ATP8B4: variants seen among roughly 807,000 people sequenced by gnomAD.
ATP8B4 encodes the protein ATPase phospholipid transporting 8B4 (putative), also known as probable phospholipid-transporting ATPase IM.
A neutral mutation model predicts 145.6 loss-of-function variants in ATP8B4; 133 were observed. The observed-to-expected ratio is 0.91, with a 90% CI of 0.79 to 1.05. The LOEUF is 1.05. Ranked by LOEUF, ATP8B4 falls within the 50% of genes least tolerant of loss-of-function variation. The pLI is 0.00. For missense variants in ATP8B4, 1,458 were observed against 1,425.2 expected, an observed-to-expected ratio of 1.02 and a Z score of -0.37; for synonymous variants, 507 against 492.9, an observed-to-expected ratio of 1.03 and a Z score of -0.38.
intron 25 of ATP8B4, among the ~76,000 whole-genome samples, chr15:49,870,918 C>G (rs1282971341): frequency 1.3e-5 from 2 of 152,246 alleles, no homozygotes; most frequent in Admixed American, 6.5e-5. Context: ...CATCTATTAA[C>G]CGTTTGTCTC....
At chr15:49,862,472 G>C in intron 26 of ATP8B4, 97 bp from the exon 27 acceptor site, 2 of 1,235,156 alleles carry the variant, frequency 1.6e-6, no homozygotes, top group South Asian at 2.9e-5. Context: ...TTTTTTTTTT[G>C]AGATGGAGTC....
At chr15:49,926,916 G>A (rs1032696009) in intron 16 of ATP8B4, among the ~76,000 whole-genome samples, 5 of 152,174 alleles carry the variant, frequency 3.3e-5, no homozygotes, top group African/African-American at 1.2e-4. Flanking sequence ...ACATGACAGT[G>A]TGATTTGTAC....
intron 7 of ATP8B4, among the ~76,000 whole-genome samples, chr15:50,008,082 GA>G (rs529044682): frequency 3.5e-4 from 54 of 152,316 alleles, no homozygotes; most frequent in Admixed American, 2.0e-3. Context: ...ACTCCTGTTA[GA>G]CAAACTCATT....
At chr15:49,909,722 CAAAA>C (rs995336781) in intron 20 of ATP8B4, among the ~76,000 whole-genome samples, 1 of 72,016 alleles carries the variant, frequency 1.4e-5, no homozygotes, top group African/African-American at 5.5e-5. Context: ...CTTTGTTTAC[CAAAA>C]AAAAAAAAAA....
intron 12 of ATP8B4, among the ~76,000 whole-genome samples, chr15:49,978,661 C>T (rs2045880590): frequency 6.6e-6 from 1 of 151,798 alleles, no homozygotes; most frequent in Non-Finnish European, 1.5e-5. Flanking sequence ...TGGGGACAGT[C>T]TGGCTCAGCC....
intron 7 of ATP8B4, among the ~76,000 whole-genome samples, chr15:50,005,281 C>G (rs1056385497): frequency 1.3e-5 from 2 of 152,132 alleles, no homozygotes; most frequent in African/African-American, 4.8e-5. Context: ...AAAGAATGCA[C>G]TGAACATATT....
At chr15:49,871,179 C>A (rs1326314951) in intron 25 of ATP8B4, among the ~76,000 whole-genome samples, 1 of 152,190 alleles carries the variant, frequency 6.6e-6, no homozygotes, top group African/African-American at 2.4e-5. Flanking sequence ...AGTCTGTTTT[C>A]TCAATGGTGG....
intron 7 of ATP8B4, among the ~76,000 whole-genome samples, chr15:50,006,889 C>T (rs1028168172): frequency 6.6e-6 from 1 of 152,086 alleles, no homozygotes; most frequent in African/African-American, 2.4e-5. Context: ...CACCTGGCTC[C>T]CACGGTCCGA....
At chr15:50,065,288 A>G (rs1025319875) in intron 3 of ATP8B4, among the ~76,000 whole-genome samples, 1 of 152,208 alleles carries the variant, frequency 6.6e-6, no homozygotes, top group African/African-American at 2.4e-5. Flanking sequence ...GTAATCTGGT[A>G]CTAGTTTCAT....
At chr15:50,179,915 AAAGC>A (rs1196468391) in intron 1 of ATP8B4, among the ~76,000 whole-genome samples, 5 of 152,222 alleles carry the variant, frequency 3.3e-5, no homozygotes, top group African/African-American at 1.2e-4. Context: ...ACCTCGTGAT[AAAGC>A]AAGAGCTGGA....
intron 7 of ATP8B4, among the ~76,000 whole-genome samples, chr15:50,007,396 G>C (rs188815772): frequency 3.9e-4 from 59 of 152,320 alleles, no homozygotes; most frequent in African/African-American, 1.4e-3. Flanking sequence ...GTAGTGGTTA[G>C]AAGTGGAGGC....
intron 6 of ATP8B4, 114 bp downstream of exon 6, chr15:50,038,654 A>G (rs2051023950): frequency 1.3e-6 from 1 of 779,776 alleles, no homozygotes; most frequent in African/African-American, 1.8e-5. Context: ...ATTTTTAATA[A>G]ATTAAAGGGA....
At chr15:50,128,080 T>A (rs2057318873) in intron 1 of ATP8B4, among the ~76,000 whole-genome samples, 2 of 152,152 alleles carry the variant, frequency 1.3e-5, no homozygotes, top group African/African-American at 4.8e-5. Context: ...AGTAAGCCAG[T>A]GTTTCGTTTT....
In ATP8B4 at chr15:50,146,281, G is replaced by GA. The variant is rs1215550035; in HGVS notation, c.-43+35979dup. Reference sequence around the variant, plus strand: ...CTGCCTTGGCCTCCCAAAGTGCCGGGATTACAGGCATGAGCCACCACGCCC... The same window carrying GA: ...CTGCCTTGGCCTCCCAAAGTGCCGGGAATTACAGGCATGAGCCACCACGCCC... On this transcript the variant is annotated intron_variant, in intron 1 of 3. Transcript: ENST00000558829. Among the ~76,000 whole-genome samples the GA allele has an allele frequency of 3.9e-5, 6 of 152,216 alleles. No individual in the cohort carries two copies. The East Asian group carries it at 1.2e-3, about 29-fold the overall frequency.
At chr15:50,168,820 C>A (rs1292073011) in intron 1 of ATP8B4, among the ~76,000 whole-genome samples, 1 of 152,174 alleles carries the variant, frequency 6.6e-6, no homozygotes, top group African/African-American at 2.4e-5. Context: ...CTCCTGGAAA[C>A]AGACTTGGGG....
At chr15:50,078,828 T>C (rs976353782) in intron 2 of ATP8B4, among the ~76,000 whole-genome samples, 2 of 152,158 alleles carry the variant, frequency 1.3e-5, no homozygotes, top group African/African-American at 4.8e-5. Flanking sequence ...GCAATAAGGA[T>C]GCTAGAAGAC....
chr15:50,160,394 T>C (rs2899457), intron 1 of ATP8B4, among the ~76,000 whole-genome samples: 12,694 of 151,984 alleles, frequency 0.084, 617 homozygotes, highest in African/African-American at 0.13. Context: ...TTTGGTCTGA[T>C]CTTTATTATT....
chr15:50,010,196 G>A (rs757500463), intron 7 of ATP8B4, among the ~76,000 whole-genome samples: 3 of 151,834 alleles, frequency 2.0e-5, no homozygotes, highest in Non-Finnish European at 4.4e-5. Context: ...TTTAATCTCT[G>A]ATCTCAATAA....
At chr15:49,864,589 G>A (rs2032452388) in intron 26 of ATP8B4, among the ~76,000 whole-genome samples, 2 of 152,150 alleles carry the variant, frequency 1.3e-5, no homozygotes, top group African/African-American at 4.8e-5. Context: ...ATTTTGAAAT[G>A]TGGAGTGCAA....
Sources: gnomAD v4.1 joint callset for allele counts (sites outside exome capture counted in the v4.1 genomes callset) on GRCh38, gnomAD v4.1.1 for gene constraint, MANE v1.5 for transcripts, NCBI Gene and HGNC (gene_info 2026-07-23, HGNC 2026-07-21) for gene names.